EYA1: variants seen among roughly 807,000 people sequenced by gnomAD.
EYA1 encodes the protein protein phosphatase EYA1.
EYA1 carries 16 observed loss-of-function variants against 82.0 expected under a neutral mutation model. The ratio of observed to expected loss-of-function variants is 0.20; its 90% confidence interval spans 0.13 to 0.30. The LOEUF is 0.30. Among genes scored for constraint, EYA1 ranks in the 10% least tolerant of loss-of-function variants. The pLI, the probability that EYA1 is intolerant of heterozygous loss-of-function variation, is 1.00. For synonymous variants in EYA1, 261 were observed against 264.4 expected (o/e 0.99, Z 0.12); for missense variants, 633 against 730.7 (o/e 0.87, Z 1.54).
At chr8:71,272,508 A>T (rs1563374582) in intron 9 of EYA1, among the ~76,000 whole-genome samples, 1 of 152,142 alleles carries the variant, frequency 6.6e-6, no homozygotes, top group Non-Finnish European at 1.5e-5. Flanking sequence ...CCTCGGTCCT[A>T]GTCCCTTTGA....
chr8:71,464,281 G>A (rs1488469675), intron 2 of EYA1, among the ~76,000 whole-genome samples: 1 of 152,154 alleles, frequency 6.6e-6, no homozygotes, highest in African/African-American at 2.4e-5. Context: ...AAAACTCACT[G>A]ACTTTTTAGC....
At chr8:71,505,182 A>G (rs554085588) in intron 2 of EYA1, among the ~76,000 whole-genome samples, 1 of 152,294 alleles carries the variant, frequency 6.6e-6, no homozygotes, top group South Asian at 2.1e-4. Context: ...CCACTATGGC[A>G]TTTCCCACAA....
intron 4 of EYA1, among the ~76,000 whole-genome samples, chr8:71,328,821 G>A (rs1409684203): frequency 6.6e-6 from 1 of 152,080 alleles, no homozygotes; most frequent in Non-Finnish European, 1.5e-5. Context: ...AGTCTGTCTA[G>A]GCCTCAACCC....
intron 2 of EYA1, among the ~76,000 whole-genome samples, chr8:71,422,849 C>G (rs1213779785): frequency 6.6e-6 from 1 of 152,128 alleles, no homozygotes; most frequent in African/African-American, 2.4e-5. Flanking sequence ...GGGATCCCTC[C>G]CACAACACAT....
chr8:71,312,447 T>C (rs1412509623), intron 7 of EYA1, among the ~76,000 whole-genome samples: 1 of 152,222 alleles, frequency 6.6e-6, no homozygotes, highest in Non-Finnish European at 1.5e-5. Context: ...ATTTATTTAT[T>C]ATTTAGTTAG....
intron 2 of EYA1, among the ~76,000 whole-genome samples, chr8:71,415,270 T>C (rs1830795349): frequency 1.3e-5 from 2 of 152,226 alleles, no homozygotes; most frequent in African/African-American, 2.4e-5. Flanking sequence ...TGTTTGGATA[T>C]GAGAAACTAA....
chr8:71,246,894 C>T (rs755492276), intron 11 of EYA1, among the ~76,000 whole-genome samples: 57 of 151,968 alleles, frequency 3.8e-4, no homozygotes, highest in Non-Finnish European at 6.9e-4. Context: ...CAGCACTGCC[C>T]ACCCCTAGCA....
upstream of EYA1, chr8:71,362,165 T>TC (rs1296536426): frequency 1.8e-5 from 18 of 977,202 alleles, no homozygotes; most frequent in Non-Finnish European, 2.1e-5. Flanking sequence ...CTTTTTTTTT[T>TC]TTTTTTTTTT....
chr8:71,205,625 G>A (rs6472571), intron 17 of EYA1, among the ~76,000 whole-genome samples: 29,605 of 152,038 alleles, frequency 0.19, 2,943 homozygotes, highest in African/African-American at 0.23. Flanking sequence ...TTTTTATGAT[G>A]CAAATTATAG....
At chr8:71,386,745 G>T (rs1828987244) in intron 2 of EYA1, among the ~76,000 whole-genome samples, 1 of 152,134 alleles carries the variant, frequency 6.6e-6, no homozygotes, top group African/African-American at 2.4e-5. Context: ...TCACAGAATG[G>T]GTACAGAGGA....
intron 2 of EYA1, among the ~76,000 whole-genome samples, chr8:71,455,559 G>A (rs1268410441): frequency 6.6e-6 from 1 of 152,144 alleles, no homozygotes; most frequent in Admixed American, 6.5e-5. Context: ...GCTTATCCAC[G>A]ATGATCAAGT....
At chr8:71,494,600 T>A (rs181067789) in intron 2 of EYA1, among the ~76,000 whole-genome samples, 27 of 152,240 alleles carry the variant, frequency 1.8e-4, no homozygotes, top group African/African-American at 6.0e-4. Context: ...GCAGTTACCA[T>A]ATAACATTTG....
At chr8:71,516,102 AT>A (rs1812958896) in intron 2 of EYA1, among the ~76,000 whole-genome samples, 1 of 152,166 alleles carries the variant, frequency 6.6e-6, no homozygotes, top group African/African-American at 2.4e-5. Context: ...ATGTATACAA[AT>A]AACCTATAGT....
chr8:71,523,173 CT>C (rs201950125), intron 2 of EYA1, among the ~76,000 whole-genome samples: 1,745 of 110,862 alleles, frequency 0.016, 53 homozygotes, highest in African/African-American at 0.061. Flanking sequence ...TTTCTTTTTT[CT>C]TTTTCTTTTT....
chr8:71,273,173 ATTAC>A (rs1816750198), intron 9 of EYA1, among the ~76,000 whole-genome samples: 1 of 152,202 alleles, frequency 6.6e-6, no homozygotes, highest in South Asian at 2.1e-4. Context: ...ATAGATTCCT[ATTAC>A]TTATAGAAAA....
intron 2 of EYA1, among the ~76,000 whole-genome samples, chr8:71,373,449 A>T (rs1828194796): frequency 6.6e-6 from 1 of 152,132 alleles, no homozygotes; most frequent in Non-Finnish European, 1.5e-5. Context: ...AGATCCGTAC[A>T]TTGAAAATTA....
At chr8:71,368,315 G>T (rs994875148) in intron 2 of EYA1, among the ~76,000 whole-genome samples, 1 of 151,946 alleles carries the variant, frequency 6.6e-6, no homozygotes, top group Non-Finnish European at 1.5e-5. Flanking sequence ...TCTGCTGCAC[G>T]ATTATCATTG....
chr8:71,225,715 A>C (rs1166614010), intron 12 of EYA1, among the ~76,000 whole-genome samples: 1 of 152,222 alleles, frequency 6.6e-6, no homozygotes, highest in African/African-American at 2.4e-5. Flanking sequence ...TGGGAAAAGA[A>C]AACAATTTCA....
At position 71,487,207 on chromosome 8, in the gene EYA1, T is replaced by C. The variant is rs185127373; in HGVS notation, c.33+48537A>G. Among the ~76,000 whole-genome samples the C allele has an allele frequency of 1.4e-3, 218 of 152,142 alleles. 2 individuals are homozygous for C. Among genetic ancestry groups the C allele is most frequent in the Non-Finnish European group, 4.4e-4 (30 of 67,984 alleles). On this transcript the variant is annotated intron_variant, in intron 2 of 18. Transcript: ENST00000643681. ...CTAACCCAGAAAAGCATCTCAGATG[T>C]AGCTCACATATTATTTAAGAAACAG...
Sources: allele counts gnomAD v4.1 joint callset (sites outside exome capture counted in the v4.1 genomes callset), GRCh38; gene constraint gnomAD v4.1.1; transcripts MANE v1.5; gene names NCBI Gene and HGNC (gene_info 2026-07-23, HGNC 2026-07-21).